The following ANKRD30BL variants were observed in gnomAD, a reference collection of about 807,000 sequenced individuals.
ANKRD30BL encodes ankyrin repeat domain 30B like.
ANKRD30BL carries 20 observed loss-of-function variants against 18.4 expected under a neutral mutation model. The ratio of observed to expected loss-of-function variants is 1.09; its 90% CI spans 0.77 to 1.58. The LOEUF (loss-of-function observed/expected upper bound fraction) is 1.58. Ranked by LOEUF, ANKRD30BL falls within the 40% of genes most tolerant of loss-of-function variation. The probability of loss-of-function intolerance (pLI) is 0.00; values close to 1 mark genes in which losing one functional copy is unlikely to be tolerated. For synonymous variants in ANKRD30BL, 72 were observed against 100.9 expected (o/e 0.71, Z 1.72); for missense variants, 224 against 268.6 (o/e 0.83, Z 1.16).
intron 1 of ANKRD30BL, among the ~76,000 whole-genome samples, chr2:132,160,500 G>A (rs1274954982): frequency 6.7e-6 from 1 of 149,460 alleles, no homozygotes; most frequent in African/African-American, 2.5e-5. Flanking sequence ...GTGCAGTGGT[G>A]CGATCTCGGC....
At chr2:132,252,633 C>T (rs1216583399) in intron 1 of ANKRD30BL, among the ~76,000 whole-genome samples, 2 of 152,092 alleles carry the variant, frequency 1.3e-5, no homozygotes, top group Admixed American at 1.3e-4. Flanking sequence ...AGTCGCTGGG[C>T]CGCCTCCAGG....
chr2:132,165,465 G>A (rs1361312173), upstream of ANKRD30BL, among the ~76,000 whole-genome samples: 5 of 151,562 alleles, frequency 3.3e-5, no homozygotes, highest in African/African-American at 7.3e-5. Context: ...AGGCCGAGGC[G>A]GTCGCATTGC....
chr2:132,191,082 G>A (rs546393437), intron 1 of ANKRD30BL, among the ~76,000 whole-genome samples: 25 of 152,236 alleles, frequency 1.6e-4, no homozygotes, highest in Admixed American at 1.5e-3. Flanking sequence ...CACCTCAAAG[G>A]TTCTTTTGTA....
intron 1 of ANKRD30BL, among the ~76,000 whole-genome samples, chr2:132,161,171 A>G (rs371339857): frequency 6.0e-5 from 9 of 150,362 alleles, no homozygotes; most frequent in African/African-American, 2.0e-4. Flanking sequence ...ACTTAATTTT[A>G]TAAGTTAAAT....
intron 1 of ANKRD30BL, among the ~76,000 whole-genome samples, chr2:132,224,520 G>T (rs1034792745): frequency 6.6e-6 from 1 of 152,048 alleles, no homozygotes; most frequent in Non-Finnish European, 1.5e-5. Context: ...TCTTTGTGAT[G>T]TGTGCATTCA....
At chr2:132,185,100 C>T (rs1030431806) in intron 1 of ANKRD30BL, among the ~76,000 whole-genome samples, 1 of 152,220 alleles carries the variant, frequency 6.6e-6, no homozygotes, top group Non-Finnish European at 1.5e-5. Context: ...GCGTGAGCCA[C>T]TGCACCTGGC....
intron 1 of ANKRD30BL, among the ~76,000 whole-genome samples, chr2:132,256,526 G>A (rs76467659): frequency 6.6e-6 from 1 of 152,214 alleles, no homozygotes; most frequent in Non-Finnish European, 1.5e-5. Flanking sequence ...GGCGGACCGC[G>A]GTGCCTGGGG....
chr2:132,199,306 G>A (rs1273932744), intron 1 of ANKRD30BL, among the ~76,000 whole-genome samples: 3 of 152,054 alleles, frequency 2.0e-5, no homozygotes, highest in Admixed American at 2.0e-4. Context: ...GTTGCAATGA[G>A]CCAAGGATGC....
At chr2:132,247,044 A>T (rs796871053) in intron 1 of ANKRD30BL, among the ~76,000 whole-genome samples, 18 of 73,360 alleles carry the variant, frequency 2.5e-4, no homozygotes, top group Non-Finnish European at 4.7e-4. Context: ...CATCTCACAG[A>T]GTTGAACATT....
chr2:132,253,616 T>A (rs1207326798), intron 1 of ANKRD30BL, among the ~76,000 whole-genome samples: 2 of 151,990 alleles, frequency 1.3e-5, no homozygotes, highest in East Asian at 3.9e-4. Context: ...GACACGCAAG[T>A]GTGGCGTGGC....
chr2:132,221,353 A>T (rs1386208020), intron 1 of ANKRD30BL, among the ~76,000 whole-genome samples: 10 of 95,378 alleles, frequency 1.0e-4, no homozygotes, highest in South Asian at 3.6e-4. Flanking sequence ...CCAGCCGCCC[A>T]GTCCGGGAGG....
intron 1 of ANKRD30BL, among the ~76,000 whole-genome samples, chr2:132,230,825 A>T (rs970361852): frequency 2.0e-5 from 3 of 152,074 alleles, no homozygotes; most frequent in African/African-American, 7.2e-5. Flanking sequence ...CTTCACACAA[A>T]AACTACACAG....
chr2:132,228,420 G>A (rs988906804), intron 1 of ANKRD30BL, among the ~76,000 whole-genome samples: 5 of 151,544 alleles, frequency 3.3e-5, no homozygotes, highest in African/African-American at 1.2e-4. Flanking sequence ...TGTTAGAAAA[G>A]GAAATATATT....
intron 1 of ANKRD30BL, among the ~76,000 whole-genome samples, chr2:132,240,872 T>G (rs10201213): frequency 0.023 from 3,519 of 152,084 alleles, 122 homozygotes; most frequent in African/African-American, 0.081. Flanking sequence ...CAGAAACTTC[T>G]TTATGATGTG....
intron 1 of ANKRD30BL, among the ~76,000 whole-genome samples, chr2:132,224,157 C>G (rs372981866): frequency 6.6e-6 from 1 of 152,176 alleles, no homozygotes; most frequent in African/African-American, 2.4e-5. Context: ...TAGATAGAAG[C>G]ATTCTCAGAA....
At chr2:132,198,342 T>TTTTTTTTTTTTG (rs1449539566) in intron 1 of ANKRD30BL, among the ~76,000 whole-genome samples, 1 of 113,262 alleles carries the variant, frequency 8.8e-6, no homozygotes, top group African/African-American at 4.7e-5. Context: ...TTTTTTTTTT[T>TTTTTTTTTTTTG]AGACAGAGTC....
intron 1 of ANKRD30BL, among the ~76,000 whole-genome samples, chr2:132,201,112 A>G (rs1254083232): frequency 6.6e-6 from 1 of 152,122 alleles, no homozygotes. Flanking sequence ...CTGAAACTGG[A>G]TCCCTTCCTT....
At chr2:132,254,041 G>T (rs72869421) in intron 1 of ANKRD30BL, among the ~76,000 whole-genome samples, 1 of 147,596 alleles carries the variant, frequency 6.8e-6, no homozygotes, top group Admixed American at 6.8e-5. Flanking sequence ...CCACCCCACC[G>T]TGACGCCGAG....
At chr2:132,252,455 C>A (rs72866793) in intron 1 of ANKRD30BL, among the ~76,000 whole-genome samples, 1 of 146,652 alleles carries the variant, frequency 6.8e-6, no homozygotes, top group Admixed American at 6.9e-5. Flanking sequence ...AAGCGAACCA[C>A]GGGACCATGG....
Sources: allele counts gnomAD v4.1 joint callset (sites outside exome capture counted in the v4.1 genomes callset), GRCh38; gene constraint gnomAD v4.1.1; transcripts MANE v1.5; gene names NCBI Gene and HGNC (gene_info 2026-07-23, HGNC 2026-07-21).